The following SSU72 variants were observed in gnomAD, a reference collection of about 807,000 sequenced individuals.
SSU72 encodes SSU72 homolog, RNA polymerase II CTD phosphatase.
Under a neutral mutation model 22.7 loss-of-function variants are expected in SSU72, and 12 were observed. The observed-to-expected ratio is 0.53, with a 90% CI of 0.34 to 0.86. SSU72 has a LOEUF of 0.86. Among genes scored for constraint, SSU72 ranks in the 40% least tolerant of loss-of-function variants. The probability of loss-of-function intolerance (pLI) is 0.02; values close to 1 mark genes in which losing one functional copy is unlikely to be tolerated. For missense variants in SSU72, 151 were observed against 249.8 expected, an observed-to-expected ratio of 0.60 and a Z score of 2.67; for synonymous variants, 116 against 98.3, an observed-to-expected ratio of 1.18 and a Z score of -1.06.
At chr1:1,548,880 C>T (rs1351064387) in intron 2 of SSU72, among the ~76,000 whole-genome samples, 2 of 152,248 alleles carry the variant, frequency 1.3e-5, no homozygotes, top group Non-Finnish European at 2.9e-5. Flanking sequence ...CCTGGCCCTC[C>T]CTGCCCTGTT....
intron 1 of SSU72, among the ~76,000 whole-genome samples, chr1:1,569,197 A>G (rs28473052): frequency 2.6e-5 from 4 of 152,142 alleles, no homozygotes; most frequent in African/African-American, 4.8e-5. Context: ...AAAGAAAAAA[A>G]CAAAAAAACA....
intron 2 of SSU72, among the ~76,000 whole-genome samples, chr1:1,559,542 A>G (rs1314839530): frequency 6.6e-6 from 1 of 152,184 alleles, no homozygotes; most frequent in Non-Finnish European, 1.5e-5. Flanking sequence ...TACAAAGGTC[A>G]GGGGAGCTTA....
chr1:1,561,965 T>C (rs901422951), intron 2 of SSU72: 1 of 152,040 alleles, frequency 6.6e-6, no homozygotes, highest in Non-Finnish European at 1.5e-5. Context: ...GCACGCGGGG[T>C]TCTTCTGGGC....
At chr1:1,565,276 G>C (rs1324273941) in intron 1 of SSU72, among the ~76,000 whole-genome samples, 1 of 152,190 alleles carries the variant, frequency 6.6e-6, no homozygotes. Flanking sequence ...GGGAGGCTGA[G>C]GCAGGAGAAT....
intron 2 of SSU72, among the ~76,000 whole-genome samples, chr1:1,549,797 A>G (rs1557497001): frequency 6.6e-6 from 1 of 151,700 alleles, no homozygotes; most frequent in African/African-American, 2.4e-5. Flanking sequence ...ACATGGTGAA[A>G]CCCCATCTTT....
intron 2 of SSU72, 96 bp downstream of exon 2, chr1:1,564,677 T>C: frequency 6.2e-7 from 1 of 1,614,082 alleles, no homozygotes; most frequent in Non-Finnish European, 8.5e-7. Context: ...GTGTGTGCAC[T>C]GCACAGGGTG....
intron 1 of SSU72, among the ~76,000 whole-genome samples, chr1:1,567,855 G>A (rs1303143055): frequency 1.4e-5 from 2 of 145,924 alleles, no homozygotes; most frequent in South Asian, 2.1e-4. Flanking sequence ...GGAGGTTGCA[G>A]TGAGCCGAGA....
rs569145482 is a variant in SSU72 at position 1,570,882 on chromosome 1, C to T, written c.80+3596G>A. Among the ~76,000 whole-genome samples the T allele has an allele frequency of 6.6e-5, 10 of 151,862 alleles. No individual in the cohort carries two copies. In the South Asian group the frequency reaches 1.2e-3, roughly 19 times the overall value. On this transcript the variant is annotated intron_variant, in intron 1 of 4. Transcript: ENST00000291386. ...ATCCCAGCACTTTGGGAGGCCAAGG[C>T]GGGCAGATCACGAGGTCAGGAGATC...
chr1:1,572,414 TCC>T (rs1401505203), intron 1 of SSU72, among the ~76,000 whole-genome samples: 1 of 147,608 alleles, frequency 6.8e-6, no homozygotes, highest in Admixed American at 6.8e-5. Flanking sequence ...GGCTACAGAC[TCC>T]CCCTCAAGAA....
chr1:1,572,171 T>C (rs1642738890), intron 1 of SSU72, among the ~76,000 whole-genome samples: 1 of 147,070 alleles, frequency 6.8e-6, no homozygotes, highest in African/African-American at 2.5e-5. Context: ...CTCACGCCTA[T>C]AATCCCAGCA....
Position 1,564,929 on chromosome 1 carries a change from A to T in SSU72, c.81-13T>A. On this transcript the variant is annotated splice_polypyrimidine_tract_variant and intron_variant, in intron 1 of 4. Coordinates refer to ENST00000291386, the MANE Select transcript of SSU72 (RefSeq NM_014188.3). ...GAATCCCCGTTTGCTGAAAGACAAA[A>T]GGAGAGAAAGAATCACAGTCACACT... 6.3e-7 allele frequency: 1 copy of T among 1,580,916 alleles called. No individual in the cohort carries two copies. Among genetic ancestry groups the T allele is most frequent in the African/African-American group, 1.4e-5 (1 of 73,810 alleles).
At chr1:1,551,530 G>A (rs1490390604) in intron 2 of SSU72, among the ~76,000 whole-genome samples, 1 of 149,498 alleles carries the variant, frequency 6.7e-6, no homozygotes, top group African/African-American at 2.5e-5. Flanking sequence ...GTGTGTGCCA[G>A]CTGCACCAAA....
At chr1:1,558,233 A>G (rs573510512) in intron 2 of SSU72, among the ~76,000 whole-genome samples, 60 of 144,642 alleles carry the variant, frequency 4.1e-4, no homozygotes, top group African/African-American at 1.5e-3. Context: ...TGGGCATGGC[A>G]TAGGCCTCTG....
At chr1:1,564,311 C>A in intron 2 of SSU72, 1 of 616,370 alleles carries the variant, frequency 1.6e-6, no homozygotes, top group Non-Finnish European at 2.7e-6. Flanking sequence ...GGTTAGCAAG[C>A]TCCGCCCTCT....
chr1:1,545,131 G>T (rs1262587279), intron 2 of SSU72, 129 bp from the exon 3 acceptor site: 5 of 1,111,158 alleles, frequency 4.5e-6, no homozygotes, highest in Non-Finnish European at 6.5e-6. Context: ...GGCCTGGACA[G>T]CGGAGTGGGC....
At chr1:1,553,791 CAAA>C (rs33931848) in intron 2 of SSU72, among the ~76,000 whole-genome samples, 14 of 106,188 alleles carry the variant, frequency 1.3e-4, no homozygotes, top group Admixed American at 2.7e-4. Context: ...GACTCCGTCT[CAAA>C]AAAAAAAAAA....
chr1:1,541,984 CCTG>C lies in SSU72; in HGVS notation c.*79_*81del. 1 of 1,345,968 alleles carries C rather than the reference CCTG, an allele frequency of 7.4e-7. No homozygotes were observed. The highest frequency in any genetic ancestry group is 1.0e-6 in the Non-Finnish European group (1 of 963,234). The allele number at this position is 1,345,968 out of a possible 1,614,324, so 83.4% of individuals were successfully genotyped here. Reference sequence around the variant, plus strand: ...TAATGCTACCGTCACCAGCAGAACACCTGTAAGTAAAAACAAATGTCAGGAAGG... The same window carrying C: ...TAATGCTACCGTCACCAGCAGAACACTAAGTAAAAACAAATGTCAGGAAGG... On this transcript the variant is annotated 3_prime_UTR_variant, in exon 5 of 5. Coordinates refer to ENST00000291386, the MANE Select transcript of SSU72 (RefSeq NM_014188.3).
At chr1:1,545,125 T>A in intron 2 of SSU72, 123 bp from the exon 3 acceptor site, 1 of 1,209,132 alleles carries the variant, frequency 8.3e-7, no homozygotes, top group Non-Finnish European at 1.2e-6. Flanking sequence ...GACGAAGGCC[T>A]GGACAGCGGA....
At chr1:1,553,144 T>C (rs1642473635) in intron 2 of SSU72, among the ~76,000 whole-genome samples, 1 of 152,168 alleles carries the variant, frequency 6.6e-6, no homozygotes, top group Non-Finnish European at 1.5e-5. Context: ...AGCCGGTCTC[T>C]GCACTGTGGC....
Sources: gnomAD v4.1 joint callset for allele counts (sites outside exome capture counted in the v4.1 genomes callset) on GRCh38, gnomAD v4.1.1 for gene constraint, MANE v1.5 for transcripts, NCBI Gene and HGNC (gene_info 2026-07-23, HGNC 2026-07-21) for gene names.